The following MYO1G variants were observed in gnomAD, a reference collection of about 807,000 sequenced individuals.
The protein encoded by MYO1G is myosin IG.
MYO1G carries 65 observed loss-of-function variants against 115.3 expected under a neutral mutation model. The ratio of observed to expected loss-of-function variants is 0.56; its 90% CI spans 0.46 to 0.69. The LOEUF is 0.69. Ranked by LOEUF, MYO1G falls within the 30% of genes least tolerant of loss-of-function variation. The pLI is 0.00. For missense variants in MYO1G, 1,204 were observed against 1,393.5 expected (o/e 0.86, Z 2.16); for synonymous variants, 510 against 552.6 (o/e 0.92, Z 1.08).
chr7:44,974,397 G>A (rs34764303), intron 5 of MYO1G: 56,716 of 151,872 alleles, frequency 0.37, 11,012 homozygotes, highest in East Asian at 0.62. Flanking sequence ...TGGAAACACC[G>A]CCTGTGTACC....
At chr7:44,977,217 G>T in intron 1 of MYO1G, 146 bp from the exon 2 acceptor site, 1 of 735,612 alleles carries the variant, frequency 1.4e-6, no homozygotes, top group Non-Finnish European at 2.2e-6. Context: ...AAGGGGGCAG[G>T]TGTTGACCTT....
Position 44,964,205 on chromosome 7 carries a change from A to C in MYO1G, c.2632-43T>G. 6.6e-7 allele frequency: 1 copy of C among 1,516,272 alleles called. No individual in the cohort carries two copies. The highest frequency in any genetic ancestry group is 1.4e-5 in the African/African-American group (1 of 72,682). 93.9% of individuals were successfully genotyped at this position (1,516,272 alleles called of 1,614,324 possible). ...GGACCCAGGCTGGTGCTGCCCTGTC[A>C]CCCACCAGGGCCCCAGGCTTCGGCA... On this transcript the variant is annotated intron_variant, in intron 19 of 21. Transcript: ENST00000258787. This position sits in a 1 kb window ranked among gnomAD's most constrained non-coding sequence, Gnocchi z 5.1.
At chr7:44,972,340 C>G (rs760216719) in intron 5 of MYO1G, 115 bp from the exon 6 acceptor site, 1 of 767,030 alleles carries the variant, frequency 1.3e-6, no homozygotes, top group East Asian at 2.5e-5. Context: ...AACGAACAAA[C>G]GTGGGGGAAG....
chr7:44,972,413 A>G, intron 5 of MYO1G, 188 bp from the exon 6 acceptor site: 1 of 572,998 alleles, frequency 1.7e-6, no homozygotes, highest in Non-Finnish European at 3.2e-6. Context: ...TCAGTGGGTC[A>G]GGGAGCTCCA....
Position 44,966,757 on chromosome 7 carries a change from C to T in MYO1G, c.1864G>A (p.Val622Ile), listed in dbSNP as rs749940574. 7.4e-6 allele frequency: 12 copies of T among 1,613,476 alleles called. No individual in the cohort carries two copies. The highest frequency in any genetic ancestry group is 9.3e-6 in the Non-Finnish European group (11 of 1,180,010). The part of the protein sequence containing the change: ...KLDENHCRHQ[V>I]AYLGLLENVR... ...TTCTCCAGCAGCCCCAGGTATGCGA[C>T]CTGGTGGCGACAGTGGTTCTCATCC... The change falls in exon 15 of 22, where the codon GTC (valine) becomes ATC (isoleucine). Residue 622 changes from valine (V) to isoleucine (I), a missense_variant. By Grantham distance (29) the Val-to-Ile change is conservative. Coordinates refer to ENST00000258787, the MANE Select transcript of MYO1G (RefSeq NM_033054.3). The surrounding 1 kb of genome is among the most constrained non-coding windows in gnomAD (Gnocchi z 5.0).
At chr7:44,976,448 C>G in intron 3 of MYO1G, 116 bp downstream of exon 3, 1 of 980,710 alleles carries the variant, frequency 1.0e-6, no homozygotes, top group South Asian at 1.4e-5. Context: ...TCCCACTGAA[C>G]TTGACCTGAG....
Position 44,977,068 on chromosome 7 carries a change from G to A in MYO1G, c.99C>T (p.Phe33=), listed in dbSNP as rs1795067975. 7 of 1,611,394 alleles carry A rather than the reference G, an allele frequency of 4.3e-6. No individual in the cohort carries two copies. The South Asian group carries it at 5.5e-5, about 13-fold the overall frequency. Residue 33 remains phenylalanine, a synonymous_variant, in exon 2 of 22, where the codon TTC becomes TTT. Transcript: ENST00000258787. ...TGTAGGTGTAGATGCGGCCCTTCTC[G>A]AACCTGGACACAGCAGGGGTAGGCC... ...EDFMRNLQLR[F]EKGRIYTYIG...
rs1425221749 is a variant in MYO1G, at chr7:44,970,129, A to G, written c.1243T>C (p.Cys415Arg). ...AATAGCTGCTGCAGCTTCTCGTTGC[A>G]GTAGTTGATGCAGAACTGCTCGAAA... The part of the protein sequence containing the change: ...NSFEQFCINY[C>R]NEKLQQLFIQ... Residue 415 changes from cysteine to arginine, a missense_variant, in exon 10 of 22, where the codon TGC becomes CGC. By Grantham distance (180) the Cys-to-Arg change is radical. Coordinates refer to ENST00000258787, the MANE Select transcript of MYO1G (RefSeq NM_033054.3). 1.9e-6 allele frequency: 3 copies of G among 1,613,698 alleles called. No individual in the cohort carries two copies. The African/African-American group carries it at 4.0e-5, about 22-fold the overall frequency.
At chr7:44,965,888 G>C in intron 16 of MYO1G, 28 bp from the exon 17 acceptor site, 1 of 1,591,804 alleles carries the variant, frequency 6.3e-7, no homozygotes, top group Non-Finnish European at 8.5e-7. Flanking sequence ...GATGGGATAC[G>C]CAGTCAAATT....
rs566456905 is a variant in MYO1G, at chr7:44,975,282, A to C, written c.565-55T>G. On this transcript the variant is annotated intron_variant, in intron 4 of 21. Transcript: ENST00000258787. ...CCTGGGAAGGAGTCTGACCCTGGGG[A>C]CCCCATCTGAACATTCCCAGGTGCA... 3.8e-6 allele frequency: 6 copies of C among 1,599,426 alleles called. No homozygotes were observed. In the South Asian group the frequency reaches 4.4e-5, roughly 12 times the overall value.
chr7:44,977,043 T>C lies in MYO1G; in HGVS notation c.124A>G (p.Ile42Val), dbSNP rs376133572. ...TTCACGGACACCAGCACCTCACCGA[T>C]GTAGGTGTAGATGCGGCCCTTCTCG... Reference protein sequence around the residue: ...RFEKGRIYTYIGEVLVSVNPY... With the variant: ...RFEKGRIYTYVGEVLVSVNPY... The change falls in exon 2 of 22, where the codon ATC (isoleucine) becomes GTC (valine). Residue 42 changes from isoleucine to valine, a missense_variant. Ile to Val is a conservative substitution (Grantham distance 29). Coordinates refer to ENST00000258787, the MANE Select transcript of MYO1G (RefSeq NM_033054.3). The C allele has an allele frequency of 8.7e-6, 14 of 1,613,286 alleles. No homozygotes were observed. Among genetic ancestry groups the C allele is most frequent in the African/African-American group, 4.0e-5 (3 of 74,914 alleles).
At position 44,971,634 on chromosome 7, in the gene MYO1G, TG is replaced by T. The variant is rs1162423335; in HGVS notation, c.846+38del. The T allele has an allele frequency of 4.8e-6, 7 of 1,460,570 alleles. 1 individual carries two copies. The South Asian group carries it at 7.4e-5, about 15-fold the overall frequency. 90.5% of individuals were successfully genotyped at this position (1,460,570 alleles called of 1,614,324 possible). A position where few individuals can be genotyped will look rare whatever the true frequency, so the allele number is the denominator to read the frequency against. On this transcript the variant is annotated intron_variant, in intron 7 of 21. Coordinates refer to ENST00000258787, the MANE Select transcript of MYO1G (RefSeq NM_033054.3). ...GTGCTTCCCAGCCAGGAAACCCTTG[TG>T]GGGAAGTAGCCCTCCCAGGCTTCTG... is the stretch of plus-strand genomic sequence containing the variant.
In MYO1G at chr7:44,970,037, C is replaced by A; in HGVS notation, c.1332+3G>T. 1 of 1,613,332 alleles carries A rather than the reference C, an allele frequency of 6.2e-7. No individual in the cohort carries two copies. The highest frequency in any genetic ancestry group is 1.1e-5 in the South Asian group (1 of 91,014). On this transcript the variant is annotated splice_donor_region_variant and intron_variant, in intron 10 of 21. Coordinates refer to ENST00000258787, the MANE Select transcript of MYO1G (RefSeq NM_033054.3). Reference sequence around the variant, plus strand: ...TGGCCTCCCTCCAGGCCACAGTGCTCACGCTCTGCCAGGTGATGCCCTCGC... The same window carrying A: ...TGGCCTCCCTCCAGGCCACAGTGCTAACGCTCTGCCAGGTGATGCCCTCGC...
chr7:44,969,958 C>T lies in MYO1G; in HGVS notation c.1332+82G>A. 1 of 1,590,006 alleles carries T rather than the reference C, an allele frequency of 6.3e-7. No individual in the cohort carries two copies. Among genetic ancestry groups the T allele is most frequent in the Non-Finnish European group, 8.6e-7 (1 of 1,166,028 alleles). ...CTCCGCCCCACACTCAGCCACCTGT[C>T]AGGCCAGCCCGGGCCCCTCCCCATG... On this transcript the variant is annotated intron_variant, in intron 10 of 21. Transcript: ENST00000258787. This position sits in a 1 kb window ranked among gnomAD's most constrained non-coding sequence, Gnocchi z 5.0.
rs755407240 is a variant in MYO1G at position 44,966,537 on chromosome 7, C to A, written c.1949+135G>T. 14 of 1,164,256 alleles carry A rather than the reference C, an allele frequency of 1.2e-5. No homozygotes were observed. Among genetic ancestry groups the A allele is most frequent in the Non-Finnish European group, 1.8e-5 (14 of 797,968 alleles). The allele number at this position is 1,164,256 out of a possible 1,614,324, so 72.1% of individuals were successfully genotyped here. On this transcript the variant is annotated intron_variant, in intron 15 of 21. Transcript: ENST00000258787. This position sits in a 1 kb window ranked among gnomAD's most constrained non-coding sequence, Gnocchi z 5.0. ...CATGTCTTCCCAGATATTTTGGTGT[C>A]TTGAGGCCAGCAGCGTGCTGGTTCC...
chr7:44,971,123 G>T, intron 7 of MYO1G, 64 bp from the exon 8 acceptor site: 1 of 1,454,324 alleles, frequency 6.9e-7, no homozygotes, highest in East Asian at 2.4e-5. Flanking sequence ...GACAACTTTG[G>T]ACAAGAAGGA....
intron 1 of MYO1G, among the ~76,000 whole-genome samples, chr7:44,977,789 C>T (rs899289279): frequency 6.6e-6 from 1 of 152,104 alleles, no homozygotes. Context: ...GTGTGTGGTA[C>T]CCACCCTTCC....
Position 44,962,984 on chromosome 7 carries a change from G to C in MYO1G, c.2886C>G (p.Ala962=). 6.5e-7 allele frequency: 1 copy of C among 1,532,840 alleles called. No individual in the cohort carries two copies. Among genetic ancestry groups the C allele is most frequent in the Middle Eastern group, 1.9e-4 (1 of 5,362 alleles). 95.0% of individuals were successfully genotyped at this position (1,532,840 alleles called of 1,614,324 possible). ...CCTGCACTCACCCCTGGCAGTGTGC[G>C]GCCAGCACGCCCACCAGCTCCCCAA... ...NRVGELVGVL[A]AHCQGEGRTL... The change falls in exon 21 of 22, where the codon GCC becomes GCG. Residue 962 remains alanine (A), a synonymous_variant. Coordinates refer to ENST00000258787, the MANE Select transcript of MYO1G (RefSeq NM_033054.3). This position sits in a 1 kb window ranked among gnomAD's most constrained non-coding sequence, Gnocchi z 5.3.
At chr7:44,975,111 C>A in intron 5 of MYO1G, 63 bp downstream of exon 5, 1 of 1,547,204 alleles carries the variant, frequency 6.5e-7, no homozygotes, top group South Asian at 1.1e-5. Context: ...ACAAGCTGGT[C>A]CAGCTTGCTG....
Sources: gnomAD v4.1 joint callset for allele counts (sites outside exome capture counted in the v4.1 genomes callset) on GRCh38, gnomAD v4.1.1 for gene constraint, Gnocchi (gnomAD v3.1) non-coding constraint, MANE v1.5 for transcripts, NCBI Gene and HGNC (gene_info 2026-07-23, HGNC 2026-07-21) for gene names.